NPFFR2: variants seen among roughly 807,000 people sequenced by gnomAD.
NPFFR2 encodes G-protein coupled receptor 74.
A neutral mutation model predicts 13.1 loss-of-function variants in NPFFR2; 15 were observed. That is an observed-to-expected ratio of 1.15 (90% CI 0.77 to 1.76). NPFFR2 has a LOEUF of 1.76. Among genes scored for constraint, NPFFR2 ranks in the 40% most tolerant of loss-of-function variants. The pLI, the probability that NPFFR2 is intolerant of heterozygous loss-of-function variation, is 0.00. For synonymous variants in NPFFR2, 190 were observed against 175.7 expected (o/e 1.08, Z -0.65); for missense variants, 572 against 503.5 (o/e 1.14, Z -1.30).
At chr4:72,072,087 C>T (rs1437499214) in intron 1 of NPFFR2, among the ~76,000 whole-genome samples, 1 of 152,042 alleles carries the variant, frequency 6.6e-6, no homozygotes, top group South Asian at 2.1e-4. Context: ...AAAAAAGCAG[C>T]AAATCCTGGT....
intron 1 of NPFFR2, among the ~76,000 whole-genome samples, chr4:72,073,253 AT>A (rs1269622672): frequency 6.6e-6 from 1 of 152,000 alleles, no homozygotes; most frequent in South Asian, 2.1e-4. Flanking sequence ...TGGATACCCC[AT>A]TTTTCATGAT....
chr4:72,051,704 G>A (rs76013956), intron 1 of NPFFR2, among the ~76,000 whole-genome samples: 133,162 of 152,006 alleles, frequency 0.88, 59,772 homozygotes, highest in Non-Finnish European at 0.98. Flanking sequence ...GTGAATCCAG[G>A]ATCTGGTTCT....
chr4:72,144,469 T>C (rs1722718357), intron 3 of NPFFR2, among the ~76,000 whole-genome samples: 1 of 152,184 alleles, frequency 6.6e-6, no homozygotes, highest in African/African-American at 2.4e-5. Context: ...CACATCTTTA[T>C]TTCTTGCACT....
rs115810341 is a variant in NPFFR2 at position 72,045,895 on chromosome 4, T to C, written c.-8+13695T>C. On this transcript the variant is annotated intron_variant, in intron 1 of 3. Transcript: ENST00000308744. ...TATTGATGGTGCGGAGTAATGAAGA[T>C]TTTTACTTGCTTTGATCAATTTAGA... Among the ~76,000 whole-genome samples the C allele has an allele frequency of 5.9e-3, 899 of 152,210 alleles. 9 individuals are homozygous for C. Among genetic ancestry groups the C allele is most frequent in the Middle Eastern group, 0.02 (6 of 294 alleles).
intron 1 of NPFFR2, among the ~76,000 whole-genome samples, chr4:72,064,376 C>A (rs1482357405): frequency 2.0e-5 from 3 of 152,172 alleles, no homozygotes; most frequent in Non-Finnish European, 4.4e-5. Flanking sequence ...GGCTATTGGC[C>A]TGAGGCCACC....
chr4:72,117,578 G>A (rs1721749406), intron 1 of NPFFR2, among the ~76,000 whole-genome samples: 1 of 150,778 alleles, frequency 6.6e-6, no homozygotes, highest in African/African-American at 2.5e-5. Flanking sequence ...TACCACGAAA[G>A]CTGCGACATG....
chr4:72,064,381 G>A lies in NPFFR2; in HGVS notation c.-8+32181G>A, dbSNP rs182005269. 2.2e-3 allele frequency among the ~76,000 whole-genome samples: 337 copies of A among 152,286 alleles called. 2 individuals are homozygous for A. Among genetic ancestry groups the A allele is most frequent in the African/African-American group, 7.9e-3 (330 of 41,570 alleles). On this transcript the variant is annotated intron_variant, in intron 1 of 3. Coordinates refer to ENST00000308744, the MANE Select transcript of NPFFR2 (RefSeq NM_004885.3). ...AGTTTTTGTTGGCTATTGGCCTGAG[G>A]CCACCCTCAGTTCCCTGCCACCCTC...
chr4:72,057,658 A>G (rs1471786252), intron 1 of NPFFR2, among the ~76,000 whole-genome samples: 3 of 152,024 alleles, frequency 2.0e-5, no homozygotes, highest in Non-Finnish European at 4.4e-5. Context: ...GGTCACATAC[A>G]TAGATTCCAG....
At chr4:72,105,880 T>C (rs1164699249) in intron 1 of NPFFR2, among the ~76,000 whole-genome samples, 1 of 152,078 alleles carries the variant, frequency 6.6e-6, no homozygotes, top group Non-Finnish European at 1.5e-5. Flanking sequence ...CTAATAATTA[T>C]GTAACAGGAT....
intron 3 of NPFFR2, among the ~76,000 whole-genome samples, chr4:72,141,221 C>G (rs1006946696): frequency 1.3e-5 from 2 of 151,880 alleles, no homozygotes; most frequent in Non-Finnish European, 2.9e-5. Flanking sequence ...CTCCTGGATT[C>G]ATTAATTTTT....
intron 1 of NPFFR2, among the ~76,000 whole-genome samples, chr4:72,093,886 A>T (rs142789835): frequency 2.4e-3 from 359 of 147,460 alleles, no homozygotes; most frequent in African/African-American, 8.7e-3. Flanking sequence ...GTAAGCTAGT[A>T]TATTTTGGGG....
intron 1 of NPFFR2, among the ~76,000 whole-genome samples, chr4:72,076,246 G>T (rs1720433646): frequency 1.5e-5 from 1 of 67,812 alleles, no homozygotes; most frequent in African/African-American, 4.2e-5. Context: ...GACCTTATTT[G>T]CTCTATGTCT....
At chr4:72,073,476 C>T (rs1046183416) in intron 1 of NPFFR2, among the ~76,000 whole-genome samples, 2 of 151,956 alleles carry the variant, frequency 1.3e-5, no homozygotes, top group African/African-American at 2.4e-5. Context: ...ATAAAGATCT[C>T]AATAAAGGTG....
At chr4:72,048,419 A>G (rs866766726) in intron 1 of NPFFR2, among the ~76,000 whole-genome samples, 8 of 152,176 alleles carry the variant, frequency 5.3e-5, no homozygotes, top group South Asian at 2.1e-4. Context: ...CCTAAAACAT[A>G]AATTGCAATC....
At chr4:72,098,516 T>G (rs950485197) in intron 1 of NPFFR2, among the ~76,000 whole-genome samples, 1 of 152,054 alleles carries the variant, frequency 6.6e-6, no homozygotes, top group African/African-American at 2.4e-5. Flanking sequence ...TTAGTGTTAG[T>G]GTAGTTTATG....
At chr4:72,055,988 A>G (rs1719732995) in intron 1 of NPFFR2, among the ~76,000 whole-genome samples, 2 of 152,028 alleles carry the variant, frequency 1.3e-5, no homozygotes, top group Admixed American at 1.3e-4. Flanking sequence ...TCTCCGTGCC[A>G]TAAAAGTCAA....
At chr4:72,086,342 T>C (rs1319469385) in intron 1 of NPFFR2, among the ~76,000 whole-genome samples, 2 of 152,088 alleles carry the variant, frequency 1.3e-5, no homozygotes, top group Non-Finnish European at 2.9e-5. Flanking sequence ...CTTACGTAGA[T>C]AGCAGTCTGA....
At chr4:72,134,991 A>G (rs1722363262) in intron 2 of NPFFR2, among the ~76,000 whole-genome samples, 2 of 152,098 alleles carry the variant, frequency 1.3e-5, no homozygotes, top group Non-Finnish European at 2.9e-5. Flanking sequence ...ATTTGTCTGC[A>G]AGTATCTTTA....
chr4:72,048,735 TTA>T (rs1491516410), intron 1 of NPFFR2, among the ~76,000 whole-genome samples: 1 of 5,144 alleles, frequency 1.9e-4, no homozygotes, highest in Non-Finnish European at 1.8e-3. Context: ...GTGAAATAAC[TTA>T]TCTTTTTTTT....
Sources: gnomAD v4.1 joint callset for allele counts (sites outside exome capture counted in the v4.1 genomes callset) on GRCh38, gnomAD v4.1.1 for gene constraint, MANE v1.5 for transcripts, NCBI Gene and HGNC (gene_info 2026-07-23, HGNC 2026-07-21) for gene names.